GRM6: variants seen among roughly 807,000 people sequenced by gnomAD.
The protein encoded by GRM6 is glutamate metabotropic receptor 6.
GRM6 carries 73 observed loss-of-function variants against 78.4 expected under a neutral mutation model. The observed-to-expected ratio is 0.93, with a 90% CI of 0.77 to 1.13. The LOEUF (loss-of-function observed/expected upper bound fraction) is 1.13, where lower values mean the gene tolerates loss of function less well. Ranked by LOEUF, GRM6 falls within the 50% of genes most tolerant of loss-of-function variation. The pLI, the probability that GRM6 is intolerant of heterozygous loss-of-function variation, is 0.00. For synonymous variants in GRM6, 580 were observed against 555.0 expected (o/e 1.05, Z -0.63); for missense variants, 1,251 against 1,256.4 (o/e 1.00, Z 0.07).
At chr5:178,985,442 G>C (rs1204935936) in intron 9 of GRM6, among the ~76,000 whole-genome samples, 1 of 150,814 alleles carries the variant, frequency 6.6e-6, no homozygotes, top group Non-Finnish European at 1.5e-5. Context: ...AGCGGCTCCC[G>C]CCTGTCATCC....
Position 178,986,841 on chromosome 5 carries a change from C to T in GRM6, c.1497G>A (p.Leu499=). The part of the protein sequence containing the change: ...AVGQWAETLR[L]DVEALQWSGD... ...GGGGCTCGGTCTGCACACTCACATC[C>T]AGTCTGAGGGTCTCTGCCCACTGGC... Residue 499 remains leucine, a synonymous_variant, in exon 8 of 11, where the codon CTG becomes CTA. Transcript: ENST00000517717. The T allele has an allele frequency of 6.2e-7, 1 of 1,613,878 alleles. No homozygotes were observed. The highest frequency in any genetic ancestry group is 8.5e-7 in the Non-Finnish European group (1 of 1,179,980).
Position 178,989,045 on chromosome 5 carries a change from A to C in GRM6, c.1244T>G (p.Leu415Arg). The C allele has an allele frequency of 1.9e-6, 3 of 1,614,006 alleles. No individual in the cohort carries two copies. Among genetic ancestry groups the C allele is most frequent in the Non-Finnish European group, 2.5e-6 (3 of 1,179,924 alleles). ...GCAGAGCGCCTGGTGCATGCTGTGG[A>C]GGGCGTGGGCAATGGCGTACACCGC... The part of the protein sequence containing the change: ...IDAVYAIAHA[L>R]HSMHQALCPG... Residue 415 changes from leucine (L) to arginine (R), a missense_variant, in exon 7 of 11, where the codon CTC becomes CGC. Coordinates refer to ENST00000517717, the MANE Select transcript of GRM6 (RefSeq NM_000843.4).
chr5:178,985,661 C>CAT (rs1760516885), intron 9 of GRM6: 1 of 396,980 alleles, frequency 2.5e-6, no homozygotes, highest in Non-Finnish European at 4.9e-6. Context: ...TGAGATAGTG[C>CAT]CACTGCACTC....
In GRM6 at chr5:178,986,475, G is replaced by A. The variant is rs75667861; in HGVS notation, c.1779C>T (p.Ala593=). Residue 593 remains alanine, a synonymous_variant, in exon 9 of 11, where the codon GCC becomes GCT. Coordinates refer to ENST00000517717, the MANE Select transcript of GRM6 (RefSeq NM_000843.4). ...SPWAAPPLLL[A]VLGIVATTTV... ...TGGTAGTGGCCACGATGCCCAGCAC[G>A]GCCAGGAGGAGCGGCGGGGCTGCCC... 7.0e-4 allele frequency: 1,125 copies of A among 1,612,030 alleles called. 7 individuals carry two copies. In the African/African-American group the frequency reaches 9.7e-3, roughly 14 times the overall value.
chr5:178,989,134 G>A lies in GRM6; in HGVS notation c.1155C>T (p.Gly385=), dbSNP rs746668802. 10 of 1,613,420 alleles carry A rather than the reference G, an allele frequency of 6.2e-6. No homozygotes were observed. In the East Asian group the frequency reaches 8.9e-5, roughly 14 times the overall value. Reference sequence around the variant, plus strand: ...TGGAGTCCCGGCCGATGCGTTCCTCGCCTGTCCTAGGGATGCCCAGAGAAA... The same window carrying A: ...TGGAGTCCCGGCCGATGCGTTCCTCACCTGTCCTAGGGATGCCCAGAGAAA... ...QSDDSTRKCT[G]EERIGRDSTY... Residue 385 remains glycine (G), a splice_region_variant and synonymous_variant, in exon 7 of 11, where the codon GGC becomes GGT. Coordinates refer to ENST00000517717, the MANE Select transcript of GRM6 (RefSeq NM_000843.4).
rs557252275 is a variant in GRM6 at position 178,985,520 on chromosome 5, G to T, written c.2124+610C>A. ...AGATCGAGACCATCCTGGCTAACAC[G>T]GTGAAGCCCTGTCTCTACTAAAAAT... On this transcript the variant is annotated intron_variant, in intron 9 of 10. Coordinates refer to ENST00000517717, the MANE Select transcript of GRM6 (RefSeq NM_000843.4). The T allele has an allele frequency of 6.5e-4, 220 of 337,166 alleles. 1 individual carries two copies. Among genetic ancestry groups the T allele is most frequent in the Non-Finnish European group, 8.1e-4 (140 of 171,812 alleles). 20.9% of individuals were successfully genotyped at this position (337,166 alleles called of 1,614,324 possible). A position where few individuals can be genotyped will look rare whatever the true frequency, so the allele number is the denominator to read the frequency against.
chr5:178,983,155 G>A lies in GRM6; in HGVS notation c.2191C>T (p.Arg731Trp), dbSNP rs370386222. 9.9e-6 allele frequency: 16 copies of A among 1,613,728 alleles called. No individual in the cohort carries two copies. The highest frequency in any genetic ancestry group is 4.0e-5 in the African/African-American group (3 of 74,934). ...PHSVIDYEEQ[R>W]TVDPEQARGV... Reference sequence around the variant, plus strand: ...CTGGCCTGCTCGGGGTCCACCGTCCGCTGTTCCTCATAGTCAATCACGCTG... The same window carrying A: ...CTGGCCTGCTCGGGGTCCACCGTCCACTGTTCCTCATAGTCAATCACGCTG... Residue 731 changes from arginine (R) to tryptophan (W), a missense_variant, in exon 10 of 11, where the codon CGG (arginine) becomes TGG (tryptophan). By Grantham distance (101) the Arg-to-Trp change is moderately radical (BLOSUM62 -3). Coordinates refer to ENST00000517717, the MANE Select transcript of GRM6 (RefSeq NM_000843.4).
rs538581361 is a variant in GRM6, at chr5:178,994,327, G to C, written c.504+114C>G. On this transcript the variant is annotated intron_variant, in intron 2 of 10. Transcript: ENST00000517717. ...GGCTTCTTTGACGCTGTGTGAATTC[G>C]AGTGATTAAAACGGAGACTCTTTCA... is the stretch of plus-strand genomic sequence containing the variant. The C allele has an allele frequency of 1.5e-4, 132 of 902,178 alleles. 1 individual carries two copies. In the South Asian group the frequency reaches 2.4e-3, roughly 16 times the overall value. The allele number at this position is 902,178 out of a possible 1,614,324, so 55.9% of individuals were successfully genotyped here. A position where few individuals can be genotyped will look rare whatever the true frequency, so the allele number is the denominator to read the frequency against.
In GRM6 at chr5:178,994,937, C is replaced by T; in HGVS notation, c.8G>A (p.Arg3Gln). The change falls in exon 2 of 11, where the codon CGG becomes CAG. Residue 3 changes from arginine to glutamine, a missense_variant. By Grantham distance (43) the Arg-to-Gln change is conservative. Coordinates refer to ENST00000517717, the MANE Select transcript of GRM6 (RefSeq NM_000843.4). ...CAGCGGCTCCCGGGCTCTCCGGGGC[C>T]GCGCCATCGGCTCGTCTAGCGGGCT... MA[R>Q]PRRAREPLLV... 5 of 1,181,646 alleles carry T rather than the reference C, an allele frequency of 4.2e-6. No individual in the cohort carries two copies. Among genetic ancestry groups the T allele is most frequent in the Non-Finnish European group, 4.2e-6 (4 of 956,262 alleles). The allele number at this position is 1,181,646 out of a possible 1,614,324, so 73.2% of individuals were successfully genotyped here. A position where few individuals can be genotyped will look rare whatever the true frequency, so the allele number is the denominator to read the frequency against.
rs61731185 is a variant in GRM6, at chr5:178,981,782, C to A, written c.2509G>T (p.Val837Leu). Residue 837 changes from valine (V) to leucine (L), a missense_variant, in exon 11 of 11, where the codon GTA becomes TTA. By Grantham distance (32) the Val-to-Leu change is conservative (BLOSUM62 1). Coordinates refer to ENST00000517717, the MANE Select transcript of GRM6 (RefSeq NM_000843.4). The surrounding 1 kb of genome is among the most constrained non-coding windows in gnomAD (Gnocchi z 5.1). ...AAGAGGATGACGTAGGTTTTGGGTA[C>A]GTAGAGCATGCCGAGGGACACCGAG... ...SASVSLGMLY[V>L]PKTYVILFHP... is the part of the protein sequence containing the mutation. The A allele has an allele frequency of 1.2e-6, 2 of 1,612,850 alleles. No homozygotes were observed. Among genetic ancestry groups the A allele is most frequent in the South Asian group, 2.2e-5 (2 of 91,054 alleles).
chr5:178,983,286 A>G (rs1433487672), intron 9 of GRM6, 65 bp from the exon 10 acceptor site: 5 of 1,415,806 alleles, frequency 3.5e-6, no homozygotes, highest in Non-Finnish European at 4.9e-6. Flanking sequence ...CAGCCCTGAC[A>G]GAGGCCCCTG....
Position 178,994,683 on chromosome 5 carries a change from C to T in GRM6, c.262G>A (p.Gly88Ser), listed in dbSNP as rs1230162115. 3.4e-6 allele frequency: 5 copies of T among 1,469,408 alleles called. No homozygotes were observed. The South Asian group carries it at 6.4e-5, about 19-fold the overall frequency. The allele number at this position is 1,469,408 out of a possible 1,614,324, so 91.0% of individuals were successfully genotyped here. The change falls in exon 2 of 11, where the codon GGC (glycine) becomes AGC (serine). Residue 88 changes from glycine (G) to serine (S), a missense_variant. Gly to Ser is a moderately conservative substitution (Grantham distance 56). Coordinates refer to ENST00000517717, the MANE Select transcript of GRM6 (RefSeq NM_000843.4). The part of the protein sequence containing the change: ...RVNADPELLP[G>S]VRLGARLLDT... ...AGCAGCCGCGCGCCCAGGCGCACGC[C>T]GGGCAGCAGCTCGGGGTCGGCGTTG...
intron 2 of GRM6, 82 bp downstream of exon 2, chr5:178,994,359 G>T: frequency 1.7e-6 from 2 of 1,210,498 alleles, no homozygotes; most frequent in Non-Finnish European, 2.2e-6. Flanking sequence ...TTCAGAAGAA[G>T]TAAAGGAAGG....
rs541571807 is a variant in GRM6, at chr5:178,985,658, G to A, written c.2124+472C>T. 263 of 392,232 alleles carry A rather than the reference G, an allele frequency of 6.7e-4. 2 individuals are homozygous for A. Among genetic ancestry groups the A allele is most frequent in the South Asian group, 3.7e-3 (197 of 52,996 alleles). 24.3% of individuals were successfully genotyped at this position (392,232 alleles called of 1,614,324 possible). A position where few individuals can be genotyped will look rare whatever the true frequency, so the allele number is the denominator to read the frequency against. The stretch of plus-strand genomic sequence containing the variant: ...GCAGAGCTTGCAGGGAGCTGAGATA[G>A]TGCCACTGCACTCCAGCCTGGGCGA... On this transcript the variant is annotated intron_variant, in intron 9 of 10. Transcript: ENST00000517717.
rs1022711357 is a variant in GRM6 at position 178,992,232 on chromosome 5, G to C, written c.505-149C>G. On this transcript the variant is annotated intron_variant, in intron 2 of 10. Transcript: ENST00000517717. This position sits in a 1 kb window ranked among gnomAD's most constrained non-coding sequence, Gnocchi z 4.9. ...TGGGAGATGGAAGGGTTGGGGTGGG[G>C]ACCTGGGGCCAGCTGGAGCAGCCAC... The C allele has an allele frequency of 1.4e-6, 1 of 708,240 alleles. No homozygotes were observed. 43.9% of individuals were successfully genotyped at this position (708,240 alleles called of 1,614,324 possible). A position where few individuals can be genotyped will look rare whatever the true frequency, so the allele number is the denominator to read the frequency against.
In GRM6 at chr5:178,992,002, G is replaced by A. The variant is rs754048030; in HGVS notation, c.586C>T (p.Pro196Ser). 1.9e-6 allele frequency: 3 copies of A among 1,614,134 alleles called. No homozygotes were observed. The highest frequency in any genetic ancestry group is 2.2e-5 in the East Asian group (1 of 44,866). Residue 196 changes from proline (P) to serine (S), a missense_variant, in exon 3 of 11, where the codon CCC (proline) becomes TCC (serine). Transcript: ENST00000517717. The surrounding 1 kb of genome is among the most constrained non-coding windows in gnomAD (Gnocchi z 4.9). The part of the protein sequence containing the change: ...RYDFFSRVVP[P>S]DSYQAQAMVD... ...ATGGCCTGCGCCTGGTAGGAGTCGG[G>A]TGGCACCACCCGGGAGAAGAAGTCA...
Position 178,986,761 on chromosome 5 carries a change from G to A in GRM6, c.1501-8C>T, listed in dbSNP as rs376899471. The A allele has an allele frequency of 6.3e-5, 101 of 1,608,884 alleles. No homozygotes were observed. The highest frequency in any genetic ancestry group is 3.3e-4 in the Middle Eastern group (2 of 6,060). ...CCACTGCAGGGCCTCCACCTGGGACGCACAAAACACAGGCTGGGGCGTCTG... is the reference window on the plus strand; with the variant it reads ...CCACTGCAGGGCCTCCACCTGGGACACACAAAACACAGGCTGGGGCGTCTG... On this transcript the variant is annotated splice_polypyrimidine_tract_variant and splice_region_variant and intron_variant, in intron 8 of 10. Transcript: ENST00000517717.
rs1370098674 is a variant in GRM6, at chr5:178,989,133, C to T, written c.1156G>A (p.Glu386Lys). 8.7e-6 allele frequency: 14 copies of T among 1,613,626 alleles called. No individual in the cohort carries two copies. Among genetic ancestry groups the T allele is most frequent in the South Asian group, 5.5e-5 (5 of 91,012 alleles). Residue 386 changes from glutamate to lysine, a missense_variant and splice_region_variant, in exon 7 of 11, where the codon GAG (glutamate) becomes AAG (lysine). Glu to Lys is a moderately conservative substitution (Grantham distance 56). Transcript: ENST00000517717. ...GTGGAGTCCCGGCCGATGCGTTCCT[C>T]GCCTGTCCTAGGGATGCCCAGAGAA... ...SDDSTRKCTG[E>K]ERIGRDSTYE...
chr5:178,989,539 G>A, intron 5 of GRM6, 134 bp from the exon 6 acceptor site: 2 of 1,122,094 alleles, frequency 1.8e-6, no homozygotes, highest in Non-Finnish European at 2.7e-6. Flanking sequence ...AACTAGGCAT[G>A]GCCAGGTGAG....
Sources: gnomAD v4.1 joint callset for allele counts (sites outside exome capture counted in the v4.1 genomes callset) on GRCh38, gnomAD v4.1.1 for gene constraint, Gnocchi (gnomAD v3.1) non-coding constraint, MANE v1.5 for transcripts, NCBI Gene and HGNC (gene_info 2026-07-23, HGNC 2026-07-21) for gene names.